The following TECRL variants were observed in gnomAD, a reference collection of about 807,000 sequenced individuals.
TECRL encodes trans-2,3-enoyl-CoA reductase like, also known as trans-2,3-enoyl-CoA reductase-like.
TECRL carries 63 observed loss-of-function variants against 52.8 expected under a neutral mutation model. The observed-to-expected ratio is 1.19, with a 90% confidence interval of 0.97 to 1.47. The LOEUF (loss-of-function observed/expected upper bound fraction) is 1.47. Among genes scored for constraint, TECRL ranks in the 40% most tolerant of loss-of-function variants. The pLI is 0.00. For missense variants in TECRL, 482 were observed against 429.6 expected, an observed-to-expected ratio of 1.12 and a Z score of -1.08; for synonymous variants, 164 against 141.9, an observed-to-expected ratio of 1.16 and a Z score of -1.10.
chr4:64,322,342 A>G (rs1717955911), intron 4 of TECRL, among the ~76,000 whole-genome samples: 1 of 151,694 alleles, frequency 6.6e-6, no homozygotes, highest in South Asian at 2.1e-4. Context: ...CCTTGGCAAT[A>G]CTTGTCATCA....
chr4:64,279,746 T>A lies in TECRL; in HGVS notation c.*326A>T. 1 of 859,316 alleles carries A rather than the reference T, an allele frequency of 1.2e-6. No individual in the cohort carries two copies. The highest frequency in any genetic ancestry group is 1.3e-6 in the Non-Finnish European group (1 of 773,140). The allele number at this position is 859,316 out of a possible 1,614,324, so 53.2% of individuals were successfully genotyped here. A position where few individuals can be genotyped will look rare whatever the true frequency, so the allele number is the denominator to read the frequency against. ...TCTGTTCAGATCGCTTTTTCATTTG[T>A]TAATCAGATTTTTTTTTTTGCTGTG... On this transcript the variant is annotated 3_prime_UTR_variant, in exon 12 of 12. Transcript: ENST00000381210.
chr4:64,292,231 G>C (rs1723431900), intron 8 of TECRL, among the ~76,000 whole-genome samples: 1 of 151,856 alleles, frequency 6.6e-6, no homozygotes, highest in Admixed American at 6.6e-5. Flanking sequence ...TATTTCTCCT[G>C]GATTGATGTT....
chr4:64,320,682 C>T (rs1005971774), intron 4 of TECRL, among the ~76,000 whole-genome samples: 5 of 152,150 alleles, frequency 3.3e-5, no homozygotes, highest in Non-Finnish European at 5.9e-5. Context: ...CTCACCCTGA[C>T]ACAATTTCTG....
At position 64,380,998 on chromosome 4, in the gene TECRL, A is replaced by G. The variant is rs115528491; in HGVS notation, c.235-5775T>C. On this transcript the variant is annotated intron_variant, in intron 1 of 11. Coordinates refer to ENST00000381210, the MANE Select transcript of TECRL (RefSeq NM_001010874.5). ...TTGCTTTGGGTGGGGTGGTGTGGAT[A>G]TTTTAACAATATTAATTCTTCTAAT... is the stretch of plus-strand genomic sequence containing the variant. Among the ~76,000 whole-genome samples, 874 of 152,144 alleles carry G rather than the reference A, an allele frequency of 5.7e-3. 2 individuals are homozygous for G. The highest frequency in any genetic ancestry group is 0.02 in the African/African-American group (830 of 41,516).
At chr4:64,388,009 A>G (rs1601077) in intron 1 of TECRL, among the ~76,000 whole-genome samples, 146,068 of 151,676 alleles carry the variant, frequency 0.96, 70,521 homozygotes, top group Non-Finnish European at 1. Context: ...ACTTATTTTC[A>G]TATAGTAGAA....
At chr4:64,343,004 A>G (rs1291223698) in intron 2 of TECRL, among the ~76,000 whole-genome samples, 1 of 152,140 alleles carries the variant, frequency 6.6e-6, no homozygotes, top group Admixed American at 6.6e-5. Context: ...AAAACCAGCA[A>G]TAGTCATAAT....
At chr4:64,289,827 A>G (rs1723280563) in intron 8 of TECRL, 60 bp from the exon 9 acceptor site, 7 of 1,088,128 alleles carry the variant, frequency 6.4e-6, no homozygotes, top group South Asian at 3.7e-5. Context: ...TTAAAAAAAC[A>G]TATTCTAGAG....
intron 1 of TECRL, among the ~76,000 whole-genome samples, chr4:64,401,120 A>G (rs1724330039): frequency 6.6e-6 from 1 of 152,194 alleles, no homozygotes; most frequent in South Asian, 2.1e-4. Flanking sequence ...CAGGGTTTCT[A>G]CTACACATTT....
intron 2 of TECRL, among the ~76,000 whole-genome samples, chr4:64,372,636 T>G (rs1180478290): frequency 4.0e-5 from 6 of 151,710 alleles, no homozygotes; most frequent in Non-Finnish European, 8.9e-5. Context: ...CTGATAAGTC[T>G]GAGAAAACGT....
At chr4:64,402,572 C>T (rs1224922218) in intron 1 of TECRL, among the ~76,000 whole-genome samples, 3 of 151,902 alleles carry the variant, frequency 2.0e-5, no homozygotes, top group East Asian at 1.9e-4. Flanking sequence ...TTGGACAATA[C>T]GGAATGAATA....
intron 2 of TECRL, among the ~76,000 whole-genome samples, chr4:64,342,100 G>A (rs1291427736): frequency 6.6e-6 from 1 of 152,176 alleles, no homozygotes; most frequent in Non-Finnish European, 1.5e-5. Flanking sequence ...CAAGTTTCCA[G>A]CCAGAAAAGC....
chr4:64,388,539 A>C (rs796240883), intron 1 of TECRL, among the ~76,000 whole-genome samples: 9 of 151,980 alleles, frequency 5.9e-5, no homozygotes, highest in African/African-American at 2.2e-4. Flanking sequence ...CTTTAGAAAC[A>C]GTTTGCTAAT....
chr4:64,371,137 G>A (rs1721947231), intron 2 of TECRL, among the ~76,000 whole-genome samples: 1 of 151,552 alleles, frequency 6.6e-6, no homozygotes. Flanking sequence ...GCTATTTGGA[G>A]TGCCATTTAG....
intron 3 of TECRL, among the ~76,000 whole-genome samples, chr4:64,326,192 C>G (rs1718249881): frequency 1.3e-5 from 2 of 151,948 alleles, no homozygotes; most frequent in South Asian, 4.2e-4. Flanking sequence ...GTGGATGGAG[C>G]TTTGATGTAT....
chr4:64,400,636 T>C (rs1012208357), intron 1 of TECRL, among the ~76,000 whole-genome samples: 5 of 152,126 alleles, frequency 3.3e-5, no homozygotes, highest in Admixed American at 2.6e-4. Context: ...TCATGAATGG[T>C]TTAGTACCAT....
At chr4:64,337,436 G>A (rs1719185466) in intron 2 of TECRL, among the ~76,000 whole-genome samples, 1 of 152,146 alleles carries the variant, frequency 6.6e-6, no homozygotes, top group African/African-American at 2.4e-5. Context: ...GGGCAATTAG[G>A]CAGGAGAAAG....
At chr4:64,378,435 G>A (rs1722549548) in intron 1 of TECRL, among the ~76,000 whole-genome samples, 1 of 151,920 alleles carries the variant, frequency 6.6e-6, no homozygotes, top group Non-Finnish European at 1.5e-5. Flanking sequence ...GGCATGGAGG[G>A]GTGTGTCTGT....
intron 2 of TECRL, among the ~76,000 whole-genome samples, chr4:64,354,868 T>C (rs1720653529): frequency 6.6e-6 from 1 of 152,174 alleles, no homozygotes; most frequent in Admixed American, 6.5e-5. Flanking sequence ...ACTGGCTTTG[T>C]TCAGAGTTTC....
Position 64,350,489 on chromosome 4 carries a change from GT to G in TECRL, c.287-21934del. On this transcript the variant is annotated intron_variant, in intron 2 of 11. Coordinates refer to ENST00000381210, the MANE Select transcript of TECRL (RefSeq NM_001010874.5). ...TGATTCTGGATGTTTCTATGAAGGT[GT>G]TTTTTGAATGAGATTAACATTTTAT... 1.3e-5 allele frequency among the ~76,000 whole-genome samples: 2 copies of G among 152,102 alleles called. 1 individual carries two copies. The highest frequency in any genetic ancestry group is 4.2e-4 in the South Asian group (2 of 4,816).
Sources: allele counts gnomAD v4.1 joint callset (sites outside exome capture counted in the v4.1 genomes callset), GRCh38; gene constraint gnomAD v4.1.1; transcripts MANE v1.5; gene names NCBI Gene and HGNC (gene_info 2026-07-23, HGNC 2026-07-21).